DENND1A: variants seen among roughly 807,000 people sequenced by gnomAD.
The protein encoded by DENND1A is DENN domain containing 1A, also known as DENN domain-containing protein 1A.
DENND1A carries 51 observed loss-of-function variants against 113.7 expected under a neutral mutation model. That is an observed-to-expected ratio of 0.45 (90% CI 0.36 to 0.57). The LOEUF is 0.57. DENND1A is among the 20% of genes least tolerant of loss of function. The pLI, the probability that DENND1A is intolerant of heterozygous loss-of-function variation, is 0.00. For missense variants in DENND1A, 1,258 were observed against 1,395.9 expected, an observed-to-expected ratio of 0.90 and a Z score of 1.57; for synonymous variants, 565 against 570.8, an observed-to-expected ratio of 0.99 and a Z score of 0.14.
chr9:123,383,940 C>A lies in DENND1A; in HGVS notation c.1761-27G>T, dbSNP rs146395927. ...TGTCGGGGACAGAGCAGGCTGCACT[C>A]TCCCACCCAGGCCTTCAGGGGAGGA... On this transcript the variant is annotated intron_variant, in intron 22 of 23. Transcript: ENST00000394215. The A allele has an allele frequency of 3.1e-4, 486 of 1,591,132 alleles. 3 individuals carry two copies. In the East Asian group the frequency reaches 0.011, roughly 35 times the overall value.
At chr9:123,707,331 T>C (rs1589750127) in intron 5 of DENND1A, among the ~76,000 whole-genome samples, 1 of 149,948 alleles carries the variant, frequency 6.7e-6, no homozygotes, top group African/African-American at 2.5e-5. Context: ...GAGGCGGAGG[T>C]TGCAGTGAGC....
At chr9:123,820,993 A>G (rs1372095110) in intron 2 of DENND1A, among the ~76,000 whole-genome samples, 1 of 152,368 alleles carries the variant, frequency 6.6e-6, no homozygotes, top group Non-Finnish European at 1.5e-5. Flanking sequence ...CATTGAAAAA[A>G]TATTTTAGAA....
intron 19 of DENND1A, among the ~76,000 whole-genome samples, chr9:123,423,987 T>A (rs1588460268): frequency 6.6e-6 from 1 of 152,194 alleles, no homozygotes. Flanking sequence ...GCTGGCAACC[T>A]GGAGGGAAGG....
chr9:123,569,895 T>G (rs946128614), intron 12 of DENND1A, among the ~76,000 whole-genome samples: 1 of 152,126 alleles, frequency 6.6e-6, no homozygotes, highest in Non-Finnish European at 1.5e-5. Context: ...TATCACATCA[T>G]TCCCTGGCTT....
At chr9:123,467,590 G>T (rs1241374194) in intron 13 of DENND1A, among the ~76,000 whole-genome samples, 2 of 152,154 alleles carry the variant, frequency 1.3e-5, no homozygotes, top group East Asian at 1.9e-4. Flanking sequence ...AGAAGGCAGA[G>T]GTTGCAGTGA....
At chr9:123,440,065 A>G (rs1173125402) in intron 19 of DENND1A, 2 of 233,044 alleles carry the variant, frequency 8.6e-6, no homozygotes, top group African/African-American at 4.6e-5. Flanking sequence ...CTTAGCTAAC[A>G]GAGGCACCTT....
chr9:123,481,978 AT>A (rs1314946850), intron 13 of DENND1A, among the ~76,000 whole-genome samples: 1 of 149,254 alleles, frequency 6.7e-6, no homozygotes, highest in Non-Finnish European at 1.5e-5. Context: ...TTTCTTTTGT[AT>A]TTTTAGTAGA....
intron 9 of DENND1A, among the ~76,000 whole-genome samples, chr9:123,630,706 T>C (rs2061439303): frequency 1.3e-5 from 2 of 152,184 alleles, no homozygotes; most frequent in Non-Finnish European, 2.9e-5. Context: ...AATAGAAAAT[T>C]TTTAAAATGG....
chr9:123,572,342 T>G (rs904431010), intron 12 of DENND1A, among the ~76,000 whole-genome samples: 22 of 152,208 alleles, frequency 1.4e-4, no homozygotes, highest in African/African-American at 5.3e-4. Flanking sequence ...GTTTTTATAT[T>G]AACCAGTTGG....
At chr9:123,607,909 C>T (rs117404684) in intron 11 of DENND1A, among the ~76,000 whole-genome samples, 34 of 152,070 alleles carry the variant, frequency 2.2e-4, no homozygotes, top group South Asian at 1.0e-3. Context: ...CTGTGGACTC[C>T]GATAGACCAA....
At chr9:123,452,129 G>C in intron 17 of DENND1A, 147 bp downstream of exon 17, 1 of 687,718 alleles carries the variant, frequency 1.5e-6, no homozygotes, top group Non-Finnish European at 2.5e-6. Flanking sequence ...TGGAGGTCAA[G>C]GCCTCAGTGA....
intron 9 of DENND1A, among the ~76,000 whole-genome samples, chr9:123,632,791 C>T (rs1195232783): frequency 1.3e-5 from 2 of 152,114 alleles, no homozygotes; most frequent in Non-Finnish European, 2.9e-5. Flanking sequence ...CACCCGTCCC[C>T]CAAACTGGCC....
intron 4 of DENND1A, among the ~76,000 whole-genome samples, chr9:123,758,026 C>T (rs937989870): frequency 4.0e-5 from 6 of 151,548 alleles, no homozygotes; most frequent in Admixed American, 3.9e-4. Context: ...TAGTGACCAC[C>T]TCAGAAATCA....
At chr9:123,470,765 A>T (rs2049347830) in intron 13 of DENND1A, among the ~76,000 whole-genome samples, 1 of 152,200 alleles carries the variant, frequency 6.6e-6, no homozygotes, top group Non-Finnish European at 1.5e-5. Flanking sequence ...TTGGTGACAC[A>T]GTCCTCTGGG....
At chr9:123,516,130 A>G (rs2053882143) in intron 13 of DENND1A, among the ~76,000 whole-genome samples, 3 of 146,632 alleles carry the variant, frequency 2.0e-5, no homozygotes, top group Non-Finnish European at 4.4e-5. Context: ...ACACACACAC[A>G]CACACACACA....
chr9:123,395,022 A>G (rs1217534635), intron 21 of DENND1A, among the ~76,000 whole-genome samples: 1 of 152,210 alleles, frequency 6.6e-6, no homozygotes, highest in Non-Finnish European at 1.5e-5. Context: ...CCAGGCTGCG[A>G]AGATTTTTTG....
Position 123,440,505 on chromosome 9 carries a change from G to C in DENND1A, c.1357-14C>G. 2 of 1,542,218 alleles carry C rather than the reference G, an allele frequency of 1.3e-6. No individual in the cohort carries two copies. The highest frequency in any genetic ancestry group is 1.7e-6 in the Non-Finnish European group (2 of 1,156,138). ...CTCGGCAATGTCCTGTAGGGAGAAG[G>C]ATAGTCAGCGGTTGGCACTGGGGTT... On this transcript the variant is annotated splice_polypyrimidine_tract_variant and intron_variant, in intron 18 of 23. Coordinates refer to ENST00000394215, the MANE Select transcript of DENND1A (RefSeq NM_001352964.2).
intron 2 of DENND1A, among the ~76,000 whole-genome samples, chr9:123,875,644 AG>A (rs927464764): frequency 9.2e-5 from 14 of 152,304 alleles, no homozygotes; most frequent in Middle Eastern, 3.4e-3. Flanking sequence ...CCTTAGACCT[AG>A]GGATGTATAC....
chr9:123,870,498 G>A (rs1301897684), intron 2 of DENND1A, among the ~76,000 whole-genome samples: 1 of 150,234 alleles, frequency 6.7e-6, no homozygotes. Flanking sequence ...GTGCAGTGGC[G>A]TGATCTGGGT....
Sources: gnomAD v4.1 joint callset for allele counts (sites outside exome capture counted in the v4.1 genomes callset) on GRCh38, gnomAD v4.1.1 for gene constraint, MANE v1.5 for transcripts, NCBI Gene and HGNC (gene_info 2026-07-23, HGNC 2026-07-21) for gene names.